CLVS1: variants seen among roughly 807,000 people sequenced by gnomAD.
CLVS1 encodes the protein clavesin 1, also known as clavesin-1.
A neutral mutation model predicts 33.1 loss-of-function variants in CLVS1; 10 were observed. That is an observed-to-expected ratio of 0.30 (90% CI 0.19 to 0.51). The LOEUF is 0.51. CLVS1 is among the 20% of genes least tolerant of loss of function. The pLI, the probability that CLVS1 is intolerant of heterozygous loss-of-function variation, is 0.97. For synonymous variants in CLVS1, 163 were observed against 166.1 expected (o/e 0.98, Z 0.14); for missense variants, 343 against 433.4 (o/e 0.79, Z 1.85).
intron 2 of CLVS1, among the ~76,000 whole-genome samples, chr8:61,331,565 T>C (rs1354502060): frequency 1.3e-5 from 2 of 151,680 alleles, no homozygotes; most frequent in Non-Finnish European, 2.9e-5. Flanking sequence ...CCAATTTTGG[T>C]TTGTCTTTTT....
chr8:61,059,475 C>CATATATATATATATATATATATAT lies in CLVS1; in HGVS notation c.-243+2247_-243+2270dup, dbSNP rs56322834. On this transcript the variant is annotated intron_variant, in intron 1 of 2. Coordinates refer to the CLVS1 transcript ENST00000522621. Reference sequence around the variant, plus strand: ...ACACACACATATACATACATACATACATATATATATATATATATATATATA... The same window carrying CATATATATATATATATATATATAT: ...ACACACACATATACATACATACATACATATATATATATATATATATATATATATATATATATATATATATATATA... Among the ~76,000 whole-genome samples, 102 of 50,134 alleles carry CATATATATATATATATATATATAT rather than the reference C, an allele frequency of 2.0e-3. 4 individuals are homozygous for CATATATATATATATATATATATAT. Among genetic ancestry groups the CATATATATATATATATATATATAT allele is most frequent in the Non-Finnish European group, 3.0e-3 (75 of 25,032 alleles). The allele number at this position is 50,134 out of a possible 152,430, so 32.9% of individuals were successfully genotyped here.
At chr8:61,067,980 CTTGATA>C (rs1176928295) in intron 1 of CLVS1, among the ~76,000 whole-genome samples, 1 of 130,106 alleles carries the variant, frequency 7.7e-6, no homozygotes, top group Non-Finnish European at 1.5e-5. Context: ...TAAAACGAAA[CTTGATA>C]TTGAGAGAGA....
chr8:61,010,197 C>T, the CLVS1 span, among the ~76,000 whole-genome samples: 1 of 152,198 alleles, frequency 6.6e-6, no homozygotes, highest in East Asian at 1.9e-4. Flanking sequence ...CTAATTTTCT[C>T]CCTTGGTAGG....
chr8:61,464,901 G>A (rs200704208), intron 5 of CLVS1: 2 of 152,330 alleles, frequency 1.3e-5, no homozygotes, highest in African/African-American at 4.8e-5. Context: ...GAGGAACAGA[G>A]CAGCCACTAT....
intron 1 of CLVS1, among the ~76,000 whole-genome samples, chr8:61,124,014 C>A (rs568204928): frequency 6.6e-5 from 10 of 152,092 alleles, no homozygotes; most frequent in Non-Finnish European, 1.5e-4. Context: ...ACAACAAAGG[C>A]ACAGAGACAA....
chr8:61,226,787 T>C (rs556031391), intron 2 of CLVS1, among the ~76,000 whole-genome samples: 6 of 152,254 alleles, frequency 3.9e-5, no homozygotes, highest in African/African-American at 1.4e-4. Context: ...AACTGGTTGC[T>C]ATTTGGTGTC....
chr8:61,191,435 A>C (rs1272075113), intron 2 of CLVS1, among the ~76,000 whole-genome samples: 3 of 152,166 alleles, frequency 2.0e-5, no homozygotes, highest in African/African-American at 4.8e-5. Flanking sequence ...ATGGACAAAA[A>C]CTGGAAGCAT....
the CLVS1 span, among the ~76,000 whole-genome samples, chr8:61,013,316 G>A: frequency 6.6e-6 from 1 of 152,192 alleles, no homozygotes; most frequent in African/African-American, 2.4e-5. Flanking sequence ...TCCATATAGA[G>A]CCTTCTTTGA....
At chr8:61,052,370 A>C, upstream of CLVS1, among the ~76,000 whole-genome samples, 1 of 152,252 alleles carries the variant, frequency 6.6e-6, no homozygotes, top group African/African-American at 2.4e-5. Context: ...AGGATGGGAA[A>C]AAATAAAACC....
At chr8:61,223,099 A>T (rs1177803430) in intron 2 of CLVS1, among the ~76,000 whole-genome samples, 16 of 151,878 alleles carry the variant, frequency 1.1e-4, no homozygotes, top group Admixed American at 1.0e-3. Context: ...CCTCCTGAAT[A>T]CAGCACACTG....
At chr8:61,456,884 C>T (rs1283530456) in intron 4 of CLVS1, among the ~76,000 whole-genome samples, 1 of 149,538 alleles carries the variant, frequency 6.7e-6, no homozygotes, top group Non-Finnish European at 1.5e-5. Flanking sequence ...CACCACTGCA[C>T]TCCAGCTTGG....
At chr8:61,404,857 C>T (rs1056387937) in intron 3 of CLVS1, among the ~76,000 whole-genome samples, 2 of 152,084 alleles carry the variant, frequency 1.3e-5, no homozygotes, top group African/African-American at 2.4e-5. Context: ...CCACAAGGGC[C>T]CCAAGATGAA....
At chr8:61,057,010 C>A (rs1190786145), upstream of CLVS1, 1 of 152,222 alleles carries the variant, frequency 6.6e-6, no homozygotes, top group African/African-American at 2.4e-5. Context: ...GAAGACCCAA[C>A]TGCAGCAACG....
chr8:61,072,990 G>C (rs1804827045), intron 1 of CLVS1, among the ~76,000 whole-genome samples: 1 of 152,020 alleles, frequency 6.6e-6, no homozygotes, highest in Non-Finnish European at 1.5e-5. Context: ...ATTACCAGTA[G>C]TTTTAACACT....
chr8:61,036,739 T>A, the CLVS1 span, among the ~76,000 whole-genome samples: 1 of 152,238 alleles, frequency 6.6e-6, no homozygotes, highest in Non-Finnish European at 1.5e-5. Context: ...TCCTGTAAAA[T>A]GTGGGCAATG....
intron 1 of CLVS1, 144 bp from the exon 2 acceptor site, chr8:61,299,533 A>G (rs1810351890): frequency 3.1e-6 from 1 of 324,212 alleles, no homozygotes; most frequent in Non-Finnish European, 5.6e-6. Context: ...TTTTAAGGAT[A>G]ATTTATCATT....
intron 2 of CLVS1, among the ~76,000 whole-genome samples, chr8:61,361,502 G>C (rs192008162): frequency 1.3e-5 from 2 of 152,120 alleles, no homozygotes; most frequent in Admixed American, 6.6e-5. Flanking sequence ...ACTTTTCCCT[G>C]TCTCATAGTT....
At chr8:61,279,387 A>C (rs572291907) in intron 2 of CLVS1, among the ~76,000 whole-genome samples, 215 of 152,282 alleles carry the variant, frequency 1.4e-3, no homozygotes, top group African/African-American at 5.0e-3. Context: ...CCTATTCCCA[A>C]AGACCAATTC....
At chr8:61,047,309 A>T in the CLVS1 span, among the ~76,000 whole-genome samples, 1 of 152,212 alleles carries the variant, frequency 6.6e-6, no homozygotes, top group Non-Finnish European at 1.5e-5. Flanking sequence ...AGGAAACAAC[A>T]GTTGCTGGAG....
Sources: gnomAD v4.1 joint callset for allele counts (sites outside exome capture counted in the v4.1 genomes callset) on GRCh38, gnomAD v4.1.1 for gene constraint, MANE v1.5 for transcripts, NCBI Gene and HGNC (gene_info 2026-07-23, HGNC 2026-07-21) for gene names.